Variants in TMEM266 observed in about 807,000 individuals in gnomAD.
TMEM266 encodes the protein Hv1 related protein 1.
TMEM266 carries 33 observed loss-of-function variants against 50.5 expected under a neutral mutation model. The ratio of observed to expected loss-of-function variants is 0.65; its 90% confidence interval spans 0.50 to 0.87. TMEM266 has a LOEUF of 0.87. Ranked by LOEUF, TMEM266 falls within the 40% of genes least tolerant of loss-of-function variation. TMEM266 has a pLI of 0.00. For missense variants in TMEM266, 655 were observed against 695.1 expected, an observed-to-expected ratio of 0.94 and a Z score of 0.65; for synonymous variants, 310 against 292.3, an observed-to-expected ratio of 1.06 and a Z score of -0.62.
chr15:76,152,871 G>T (rs146425330), intron 3 of TMEM266, among the ~76,000 whole-genome samples: 8 of 152,310 alleles, frequency 5.3e-5, no homozygotes, highest in African/African-American at 1.9e-4. Flanking sequence ...CAAGAGCAGG[G>T]ATTTTCGCCT....
chr15:76,185,239 C>T (rs1190274913), intron 8 of TMEM266, among the ~76,000 whole-genome samples: 1 of 152,152 alleles, frequency 6.6e-6, no homozygotes, highest in African/African-American at 2.4e-5. Flanking sequence ...TCTTGGAGCT[C>T]CAGTTGTACC....
intron 1 of TMEM266, among the ~76,000 whole-genome samples, chr15:76,098,514 C>T (rs371596272): frequency 3.9e-5 from 6 of 152,092 alleles, no homozygotes; most frequent in Non-Finnish European, 7.4e-5. Context: ...AGGTGTCTGT[C>T]GGCCCCTACT....
chr15:76,093,062 T>G (rs2036872748), intron 1 of TMEM266, among the ~76,000 whole-genome samples: 1 of 151,844 alleles, frequency 6.6e-6, no homozygotes, highest in Non-Finnish European at 1.5e-5. Flanking sequence ...CGCCTCGGCC[T>G]CCTAAAGTGC....
Position 76,204,028 on chromosome 15 carries a change from G to T in TMEM266, c.1309G>T (p.Glu437Ter). Reference sequence around the variant, plus strand: ...GCTGCCATCCCAGCAGCAGGTGGAGGAGGCCACAGTCCAGGACCTGCTGTC... The same window carrying T: ...GCTGCCATCCCAGCAGCAGGTGGAGTAGGCCACAGTCCAGGACCTGCTGTC... Residue 437 changes from glutamate to a stop codon, truncating the protein, a stop_gained, in exon 11 of 11, where the codon GAG becomes TAG. Coordinates refer to ENST00000388942, the MANE Select transcript of TMEM266 (RefSeq NM_152335.3). LOFTEE classifies it high-confidence loss of function. 6.2e-7 allele frequency: 1 copy of T among 1,610,072 alleles called. No homozygotes were observed. Among genetic ancestry groups the T allele is most frequent in the Non-Finnish European group, 8.5e-7 (1 of 1,177,160 alleles).
Position 76,187,502 on chromosome 15 carries a change from G to A in TMEM266, c.769-4466G>A, listed in dbSNP as rs543252331. Among the ~76,000 whole-genome samples, 27 of 152,328 alleles carry A rather than the reference G, an allele frequency of 1.8e-4. 1 individual carries two copies. In the South Asian group the frequency reaches 4.4e-3, roughly 25 times the overall value. On this transcript the variant is annotated intron_variant, in intron 8 of 10. Transcript: ENST00000388942. Reference sequence around the variant, plus strand: ...AGGGTTGCCTTATGGGCCTTCAGTCGCCTCTGAGACCTTGCTGCCAGAGGG... The same window carrying A: ...AGGGTTGCCTTATGGGCCTTCAGTCACCTCTGAGACCTTGCTGCCAGAGGG...
chr15:76,069,895 A>T (rs888730466), intron 1 of TMEM266, among the ~76,000 whole-genome samples: 11 of 152,182 alleles, frequency 7.2e-5, no homozygotes, highest in African/African-American at 2.7e-4. Context: ...AAGATATTGT[A>T]CAACTGTAAA....
chr15:76,089,403 C>T (rs989927608), intron 1 of TMEM266, among the ~76,000 whole-genome samples: 9 of 151,850 alleles, frequency 5.9e-5, no homozygotes, highest in African/African-American at 1.9e-4. Flanking sequence ...CCGTGTTAGC[C>T]AGGATGGTCT....
Position 76,168,193 on chromosome 15 carries a change from C to T in TMEM266, c.457-1623C>T, listed in dbSNP as rs1000966912. On this transcript the variant is annotated intron_variant, in intron 5 of 10. Coordinates refer to ENST00000388942, the MANE Select transcript of TMEM266 (RefSeq NM_152335.3). The surrounding 1 kb of genome is among the most constrained non-coding windows in gnomAD (Gnocchi z 4.4). ...CCCTGCAAGCTGTCTCGCAGTTAAG[C>T]GTGGGGCCACCCACCCAGAGACCGG... 2.0e-5 allele frequency among the ~76,000 whole-genome samples: 3 copies of T among 152,164 alleles called. No homozygotes were observed. The highest frequency in any genetic ancestry group is 7.2e-5 in the African/African-American group (3 of 41,432).
Position 76,139,602 on chromosome 15 carries a change from C to T in TMEM266, c.227+1707C>T, listed in dbSNP as rs527832947. On this transcript the variant is annotated intron_variant, in intron 3 of 10. Transcript: ENST00000388942. This position sits in a 1 kb window ranked among gnomAD's most constrained non-coding sequence, Gnocchi z 4.1. ...TAAGGAGCCCCACATTTTCACTGGG[C>T]TCTGCAAATGATGTAGCTGGTGGGT... is the stretch of plus-strand genomic sequence containing the variant. 1.3e-5 allele frequency among the ~76,000 whole-genome samples: 2 copies of T among 152,366 alleles called. No homozygotes were observed. Among genetic ancestry groups the T allele is most frequent in the South Asian group, 4.1e-4 (2 of 4,826 alleles).
intron 2 of TMEM266, among the ~76,000 whole-genome samples, chr15:76,135,913 C>T (rs1254863665): frequency 6.6e-6 from 1 of 151,184 alleles, no homozygotes; most frequent in Non-Finnish European, 1.5e-5. Context: ...ATATTAATCT[C>T]TGAACTTCCG....
intron 8 of TMEM266, among the ~76,000 whole-genome samples, chr15:76,177,763 G>A (rs1249074927): frequency 6.6e-6 from 1 of 152,274 alleles, no homozygotes; most frequent in African/African-American, 2.4e-5. Flanking sequence ...ACCGTCCAGA[G>A]CTGCTCTGTG....
chr15:76,080,085 G>A (rs1348546145), intron 1 of TMEM266, among the ~76,000 whole-genome samples: 4 of 151,124 alleles, frequency 2.6e-5, no homozygotes, highest in Non-Finnish European at 2.9e-5. Context: ...AAGATCCTTC[G>A]GCCAGGCGTG....
At chr15:76,122,895 T>C (rs1389778921) in intron 1 of TMEM266, among the ~76,000 whole-genome samples, 1 of 152,100 alleles carries the variant, frequency 6.6e-6, no homozygotes, top group East Asian at 1.9e-4. Flanking sequence ...AAAAAAGATA[T>C]TGAGGGGAAG....
chr15:76,116,272 G>T (rs915092528), intron 1 of TMEM266, among the ~76,000 whole-genome samples: 1 of 109,482 alleles, frequency 9.1e-6, no homozygotes, highest in Non-Finnish European at 1.7e-5. Context: ...CTGTTCCTCC[G>T]CAGTCTTTGT....
intron 5 of TMEM266, among the ~76,000 whole-genome samples, chr15:76,165,189 G>T (rs2038076835): frequency 6.6e-6 from 1 of 152,210 alleles, no homozygotes; most frequent in Non-Finnish European, 1.5e-5. Context: ...CTGAAGCCTG[G>T]ACCCCTTCCT....
At chr15:76,107,529 T>C (rs966502964) in intron 1 of TMEM266, among the ~76,000 whole-genome samples, 1 of 152,172 alleles carries the variant, frequency 6.6e-6, no homozygotes, top group Non-Finnish European at 1.5e-5. Context: ...AGAGCTTTCT[T>C]GCACCCAACT....
intron 1 of TMEM266, among the ~76,000 whole-genome samples, chr15:76,111,803 T>C (rs2037174701): frequency 6.6e-6 from 1 of 152,272 alleles, no homozygotes; most frequent in South Asian, 2.1e-4. Context: ...TTGAAATTGA[T>C]GACTGTACAA....
In TMEM266 at chr15:76,202,198, G is replaced by A; in HGVS notation, c.959-4G>A. On this transcript the variant is annotated splice_polypyrimidine_tract_variant and splice_region_variant and intron_variant, in intron 9 of 10. Coordinates refer to ENST00000388942, the MANE Select transcript of TMEM266 (RefSeq NM_152335.3). ...CTCACCCTTCTCTGTCCCCACCTCTGTAGAAGCCACGATGAAGGACGACAT... is the reference window on the plus strand; with the variant it reads ...CTCACCCTTCTCTGTCCCCACCTCTATAGAAGCCACGATGAAGGACGACAT... 1 of 1,613,348 alleles carries A rather than the reference G, an allele frequency of 6.2e-7. No homozygotes were observed. The highest frequency in any genetic ancestry group is 8.5e-7 in the Non-Finnish European group (1 of 1,179,406).
chr15:76,183,599 G>A (rs2038452726), intron 8 of TMEM266, among the ~76,000 whole-genome samples: 1 of 152,184 alleles, frequency 6.6e-6, no homozygotes, highest in South Asian at 2.1e-4. Flanking sequence ...GCTGTCAGAA[G>A]TGGTCTTTGT....
Sources: allele counts gnomAD v4.1 joint callset (sites outside exome capture counted in the v4.1 genomes callset), GRCh38; gene constraint gnomAD v4.1.1; non-coding constraint Gnocchi (gnomAD v3.1); transcripts MANE v1.5; gene names NCBI Gene and HGNC (gene_info 2026-07-23, HGNC 2026-07-21).